Variants in KAZN observed in about 807,000 individuals in gnomAD.
The protein encoded by KAZN is kazrin.
KAZN carries 40 observed loss-of-function variants against 87.4 expected under a neutral mutation model. The observed-to-expected ratio is 0.46, with a 90% CI of 0.36 to 0.60. The LOEUF is 0.60. Ranked by LOEUF, KAZN falls within the 20% of genes least tolerant of loss-of-function variation. The pLI, the probability that KAZN is intolerant of heterozygous loss-of-function variation, is 0.00. For synonymous variants in KAZN, 466 were observed against 458.3 expected (o/e 1.02, Z -0.22); for missense variants, 898 against 1,073.9 (o/e 0.84, Z 2.29).
chr1:14,898,887 G>A (rs1655552483), intron 1 of KAZN, among the ~76,000 whole-genome samples: 1 of 152,142 alleles, frequency 6.6e-6, no homozygotes, highest in Non-Finnish European at 1.5e-5. Flanking sequence ...TGTCCCTGAA[G>A]TGCCAATATG....
At chr1:14,299,197 C>T (rs768239105) in intron 2 of KAZN, among the ~76,000 whole-genome samples, 4 of 152,018 alleles carry the variant, frequency 2.6e-5, no homozygotes, top group Admixed American at 1.3e-4. Flanking sequence ...AGATAAGAAA[C>T]GAAACAAATA....
rs1002972695 is a variant in KAZN at position 14,769,391 on chromosome 1, G to A, written c.226+170168G>A. ...TTTCTTGAGACGGAGTCGTGCTCTCGTTGCCCAGGCTGGAGTGCGACGGCG... is the reference window on the plus strand; with the variant it reads ...TTTCTTGAGACGGAGTCGTGCTCTCATTGCCCAGGCTGGAGTGCGACGGCG... On this transcript the variant is annotated intron_variant, in intron 1 of 14. Transcript: ENST00000376030. The surrounding 1 kb of genome is among the most constrained non-coding windows in gnomAD (Gnocchi z 4.1). 2.6e-5 allele frequency among the ~76,000 whole-genome samples: 4 copies of A among 152,032 alleles called. No individual in the cohort carries two copies. The highest frequency in any genetic ancestry group is 6.6e-5 in the Admixed American group (1 of 15,262).
intron 1 of KAZN, among the ~76,000 whole-genome samples, chr1:14,686,357 C>G (rs116165940): frequency 0.01 from 1,550 of 152,326 alleles, 25 homozygotes; most frequent in African/African-American, 0.035. Context: ...GCCACCACGC[C>G]CAGCCCAGTC....
intron 1 of KAZN, among the ~76,000 whole-genome samples, chr1:13,982,217 C>A (rs1020207388): frequency 3.9e-5 from 6 of 152,156 alleles, no homozygotes; most frequent in Non-Finnish European, 7.3e-5. Flanking sequence ...CAAGAGTGGG[C>A]TGCCTCACAG....
chr1:14,413,003 T>C (rs1297325213), intron 2 of KAZN, among the ~76,000 whole-genome samples: 1 of 148,072 alleles, frequency 6.8e-6, no homozygotes, highest in Non-Finnish European at 1.5e-5. Context: ...CATATATAAA[T>C]ATATATAATA....
chr1:14,830,458 A>G (rs1305366759), intron 1 of KAZN, among the ~76,000 whole-genome samples: 1 of 152,216 alleles, frequency 6.6e-6, no homozygotes, highest in African/African-American at 2.4e-5. Context: ...GAGTGAGCCA[A>G]GAGAGAAGGG....
chr1:14,276,264 ACATCAT>A (rs36027877), intron 2 of KAZN, among the ~76,000 whole-genome samples: 4 of 151,520 alleles, frequency 2.6e-5, no homozygotes, highest in Admixed American at 1.3e-4. Flanking sequence ...TACTTCATCA[ACATCAT>A]CATCATCATC....
At chr1:14,441,851 T>A (rs1019379173) in intron 2 of KAZN, among the ~76,000 whole-genome samples, 2 of 152,154 alleles carry the variant, frequency 1.3e-5, no homozygotes, top group African/African-American at 4.8e-5. Context: ...GATAGATGTG[T>A]ATGGTAAAGG....
intron 2 of KAZN, among the ~76,000 whole-genome samples, chr1:15,022,742 A>G (rs1480309335): frequency 6.6e-6 from 1 of 152,234 alleles, no homozygotes; most frequent in East Asian, 1.9e-4. Context: ...TGACTGGGCC[A>G]CATTCGGTCA....
At chr1:14,891,136 G>A (rs578032748) in intron 1 of KAZN, among the ~76,000 whole-genome samples, 9 of 152,056 alleles carry the variant, frequency 5.9e-5, no homozygotes, top group African/African-American at 4.8e-5. Flanking sequence ...GAGCCACCGC[G>A]CCTGGCAGGA....
intron 4 of KAZN, among the ~76,000 whole-genome samples, chr1:15,044,416 T>G (rs1483524930): frequency 6.6e-6 from 1 of 152,006 alleles, no homozygotes; most frequent in Non-Finnish European, 1.5e-5. Flanking sequence ...GTGGAGACGC[T>G]GGGAAACCAC....
intron 2 of KAZN, among the ~76,000 whole-genome samples, chr1:14,359,059 G>T (rs1459773420): frequency 6.6e-6 from 1 of 152,144 alleles, no homozygotes; most frequent in Non-Finnish European, 1.5e-5. Context: ...GGGAGTCTAA[G>T]TCTCTTTGTA....
At chr1:14,046,910 G>C (rs796766662) in intron 1 of KAZN, among the ~76,000 whole-genome samples, 13 of 152,328 alleles carry the variant, frequency 8.5e-5, no homozygotes, top group African/African-American at 3.1e-4. Flanking sequence ...ATCAGGGAGG[G>C]ACAATCGGAA....
intron 2 of KAZN, among the ~76,000 whole-genome samples, chr1:14,548,379 A>G (rs1673302653): frequency 6.6e-6 from 1 of 151,970 alleles, no homozygotes; most frequent in African/African-American, 2.4e-5. Context: ...TTATATTTTT[A>G]GTAGAGACAG....
At chr1:14,516,001 G>A (rs1671279577) in intron 2 of KAZN, among the ~76,000 whole-genome samples, 1 of 152,090 alleles carries the variant, frequency 6.6e-6, no homozygotes. Flanking sequence ...GGCCTAAACA[G>A]GAGATTTTTC....
rs1237433145 is a variant in KAZN, at chr1:14,923,628, C to T, written c.227-37056C>T. On this transcript the variant is annotated intron_variant, in intron 1 of 14. Transcript: ENST00000376030. The surrounding 1 kb of genome is among the most constrained non-coding windows in gnomAD (Gnocchi z 4.2). Reference sequence around the variant, plus strand: ...CACAGGGCCTCCCACCAGATCTCAGCCCCCTCGCGATCTCCCCCACCAGAC... The same window carrying T: ...CACAGGGCCTCCCACCAGATCTCAGTCCCCTCGCGATCTCCCCCACCAGAC... Among the ~76,000 whole-genome samples the T allele has an allele frequency of 6.6e-6, 1 of 152,196 alleles. No individual in the cohort carries two copies. Among genetic ancestry groups the T allele is most frequent in the African/African-American group, 2.4e-5 (1 of 41,460 alleles).
intron 1 of KAZN, among the ~76,000 whole-genome samples, chr1:14,703,916 G>A (rs567702846): frequency 6.6e-6 from 1 of 152,284 alleles, no homozygotes; most frequent in South Asian, 2.1e-4. Context: ...AGAATAGATT[G>A]ACCAGTCCTT....
intron 2 of KAZN, among the ~76,000 whole-genome samples, chr1:14,419,169 T>C (rs1338587376): frequency 6.6e-6 from 1 of 152,208 alleles, no homozygotes; most frequent in Non-Finnish European, 1.5e-5. Context: ...GGCACTGTAA[T>C]AAATATACCT....
chr1:14,097,130 G>A (rs918780797), intron 1 of KAZN, among the ~76,000 whole-genome samples: 4 of 152,130 alleles, frequency 2.6e-5, no homozygotes, highest in Non-Finnish European at 5.9e-5. Flanking sequence ...AAAGGTGGAA[G>A]TTGGAAAGTA....
Sources: gnomAD v4.1 joint callset for allele counts (sites outside exome capture counted in the v4.1 genomes callset) on GRCh38, gnomAD v4.1.1 for gene constraint, Gnocchi (gnomAD v3.1) non-coding constraint, MANE v1.5 for transcripts, NCBI Gene and HGNC (gene_info 2026-07-23, HGNC 2026-07-21) for gene names.